The following HMGXB3 variants were observed in gnomAD, a reference collection of about 807,000 sequenced individuals.
HMGXB3 encodes HMG domain-containing protein 3.
HMGXB3 carries 45 observed loss-of-function variants against 121.5 expected under a neutral mutation model. The observed-to-expected ratio is 0.37, with a 90% CI of 0.29 to 0.47. The LOEUF (loss-of-function observed/expected upper bound fraction) is 0.47, where lower values mean the gene tolerates loss of function less well. HMGXB3 is among the 20% of genes least tolerant of loss of function. The probability of loss-of-function intolerance (pLI) is 0.99; values close to 1 mark genes in which losing one functional copy is unlikely to be tolerated. For missense variants in HMGXB3, 1,376 were observed against 1,602.2 expected, an observed-to-expected ratio of 0.86 and a Z score of 2.41; for synonymous variants, 590 against 624.1, an observed-to-expected ratio of 0.95 and a Z score of 0.81.
chr5:150,048,438 C>A, intron 17 of HMGXB3, 131 bp from the exon 18 acceptor site: 1 of 659,464 alleles, frequency 1.5e-6, no homozygotes, highest in Non-Finnish European at 2.6e-6. Flanking sequence ...GCTGATGAGG[C>A]TCCAAGGCCC....
chr5:150,002,906 G>A (rs1755611721), intron 1 of HMGXB3, among the ~76,000 whole-genome samples: 1 of 152,216 alleles, frequency 6.6e-6, no homozygotes, highest in South Asian at 2.1e-4. Context: ...ACTTTGGGAG[G>A]CCAAGGCAGG....
In HMGXB3 at chr5:150,018,571, T is replaced by G. The variant is rs566239273; in HGVS notation, c.915T>G (p.Thr305=). The G allele has an allele frequency of 1.9e-6, 3 of 1,547,914 alleles. No individual in the cohort carries two copies. The South Asian group carries it at 3.6e-5, about 19-fold the overall frequency. ...GATGTGCTCTTTATTTACAGACCAC[T>G]ACATATACCCGCCGGGGCCATGGGA... ...VENPTSIKLT[T]TYTRRGHGTC... Residue 305 remains threonine, a synonymous_variant, in exon 6 of 20, where the codon ACT becomes ACG. Transcript: ENST00000502717.
rs765357124 is a variant in HMGXB3, at chr5:150,027,028, C to G, written c.1645C>G (p.Pro549Ala). The G allele has an allele frequency of 1.3e-6, 2 of 1,551,586 alleles. No homozygotes were observed. The highest frequency in any genetic ancestry group is 1.7e-6 in the Non-Finnish European group (2 of 1,146,920). ...RQAFSLSDKT[P>A]SVRTCGLKPS... is the part of the protein sequence containing the mutation. ...GCTCCTGGTTCTCTCAGATAAGACT[C>G]CCTCTGTGAGGACTTGTGGTCTGAA... The change falls in exon 9 of 20, where the codon CCC (proline) becomes GCC (alanine). Residue 549 changes from proline to alanine, a missense_variant. Physicochemically the swap from Pro to Ala is conservative, Grantham distance 27 (BLOSUM62 -1). Coordinates refer to ENST00000502717, the MANE Select transcript of HMGXB3 (RefSeq NM_014983.3).
In HMGXB3 at chr5:150,041,233, G is replaced by A. The variant is rs147491798; in HGVS notation, c.2545+354G>A. ...TCCCAAGGCTCATGCCAAGACCTAA[G>A]AGTGAGGACCATCCTTTCTGTCTAG... On this transcript the variant is annotated intron_variant, in intron 14 of 19. Transcript: ENST00000502717. Among the ~76,000 whole-genome samples, 127 of 152,348 alleles carry A rather than the reference G, an allele frequency of 8.3e-4. 1 individual carries two copies. In the Middle Eastern group the frequency reaches 0.014, roughly 16 times the overall value.
At chr5:150,049,369 A>T (rs1309611738) in intron 18 of HMGXB3, among the ~76,000 whole-genome samples, 5 of 152,060 alleles carry the variant, frequency 3.3e-5, no homozygotes, top group Non-Finnish European at 7.4e-5. Context: ...CAGGTTATGT[A>T]CTAGATGACA....
rs1399957690 is a variant in HMGXB3 at position 150,018,618 on chromosome 5, C to T, written c.962C>T (p.Ser321Phe). 1 of 1,551,238 alleles carries T rather than the reference C, an allele frequency of 6.4e-7. No individual in the cohort carries two copies. The highest frequency in any genetic ancestry group is 8.7e-7 in the Non-Finnish European group (1 of 1,146,792). ...GGGACATGCACCAGCCCAGGGTGCTCCTTTACATATGTCACCAGGCACAAG... is the reference window on the plus strand; with the variant it reads ...GGGACATGCACCAGCCCAGGGTGCTTCTTTACATATGTCACCAGGCACAAG... Reference protein sequence around the residue: ...GHGTCTSPGCSFTYVTRHKPP... With the variant: ...GHGTCTSPGCFFTYVTRHKPP... The change falls in exon 6 of 20, where the codon TCC becomes TTC. Residue 321 changes from serine to phenylalanine, a missense_variant. By Grantham distance (155) the Ser-to-Phe change is radical. Around this residue, in one of 2 missense-constraint regions of HMGXB3, gnomAD observed 1,116 missense variants for 1,369.0 expected, o/e 0.82. Transcript: ENST00000502717.
intron 3 of HMGXB3, among the ~76,000 whole-genome samples, chr5:150,009,156 T>G (rs1050942933): frequency 3.3e-5 from 5 of 152,216 alleles, no homozygotes; most frequent in African/African-American, 1.2e-4. Flanking sequence ...AATGACTTTT[T>G]CTTGGTGCCA....
chr5:150,015,967 A>G (rs903933333), intron 5 of HMGXB3, among the ~76,000 whole-genome samples: 1 of 152,214 alleles, frequency 6.6e-6, no homozygotes, highest in Non-Finnish European at 1.5e-5. Flanking sequence ...TGTTCTATAC[A>G]TATCTAATTA....
In HMGXB3 at chr5:150,052,100, C is replaced by T; in HGVS notation, c.3787C>T (p.Arg1263Cys). ...QSCQPGEVVI[R>C]DTLYRLGVAQ... The stretch of plus-strand genomic sequence containing the variant: ...CTGCCAGCCTGGTGAGGTGGTCATT[C>T]GTGACACCCTCTACCGCCTTGGGGT... The change falls in exon 20 of 20, where the codon CGT (arginine) becomes TGT (cysteine). Residue 1263 changes from arginine (R) to cysteine (C), a missense_variant. Coordinates refer to ENST00000502717, the MANE Select transcript of HMGXB3 (RefSeq NM_014983.3). 5.2e-6 allele frequency: 8 copies of T among 1,551,756 alleles called. No individual in the cohort carries two copies. The highest frequency in any genetic ancestry group is 2.4e-5 in the East Asian group (1 of 40,922).
chr5:150,048,631 A>G lies in HMGXB3; in HGVS notation c.3147A>G (p.Ile1049Met). ...CTGTACAGAATGGAGCTAGAGCTAT[A>G]CGGCCCCCACGTCACTTCACAGGTG... The part of the protein sequence containing the change: ...YESVQNGARA[I>M]RPPRHFTGGK... Residue 1049 changes from isoleucine to methionine, a missense_variant, in exon 18 of 20, where the codon ATA (isoleucine) becomes ATG (methionine). By Grantham distance (10) the Ile-to-Met change is conservative. Coordinates refer to ENST00000502717, the MANE Select transcript of HMGXB3 (RefSeq NM_014983.3). 6.4e-7 allele frequency: 1 copy of G among 1,551,910 alleles called. No homozygotes were observed. Among genetic ancestry groups the G allele is most frequent in the Non-Finnish European group, 8.7e-7 (1 of 1,147,016 alleles).
rs2009514 is a variant in HMGXB3 at position 150,014,941 on chromosome 5, G to C, written c.909+2588G>C. On this transcript the variant is annotated intron_variant, in intron 5 of 19. Transcript: ENST00000502717. Reference sequence around the variant, plus strand: ...CTTCCTGATGGAGATCATATGAAATGTTCCCATATTCTCTTAAAAATGGGA... The same window carrying C: ...CTTCCTGATGGAGATCATATGAAATCTTCCCATATTCTCTTAAAAATGGGA... 2.7e-3 allele frequency: 2,568 copies of C among 965,322 alleles called. 69 individuals carry two copies. In the African/African-American group the frequency reaches 0.042, roughly 16 times the overall value. 59.8% of individuals were successfully genotyped at this position (965,322 alleles called of 1,614,324 possible). A position where few individuals can be genotyped will look rare whatever the true frequency, so the allele number is the denominator to read the frequency against.
At chr5:150,017,520 G>C (rs1755985216) in intron 5 of HMGXB3, among the ~76,000 whole-genome samples, 1 of 152,226 alleles carries the variant, frequency 6.6e-6, no homozygotes. Context: ...GTCACTCAGT[G>C]TATTAGTGGC....
intron 11 of HMGXB3, 100 bp from the exon 12 acceptor site, chr5:150,036,536 T>C: frequency 9.1e-7 from 1 of 1,092,900 alleles, no homozygotes; most frequent in South Asian, 1.7e-5. Flanking sequence ...CTATCAGTCA[T>C]GGGCCCCATC....
chr5:150,026,813 C>T lies in HMGXB3; in HGVS notation c.1568C>T (p.Ala523Val). ...AGACCCATGAGAGCAATTTTGCCAG[C>T]CCCAGTTAACGTGGGGCGAGGCAGC... Reference protein sequence around the residue: ...AARPMRAILPAPVNVGRGSSM... With the variant: ...AARPMRAILPVPVNVGRGSSM... The change falls in exon 8 of 20, where the codon GCC becomes GTC. Residue 523 changes from alanine to valine, a missense_variant. This residue lies in a region of HMGXB3 where 1,116 missense variants were observed against 1,369.0 expected (regional missense o/e 0.82). Coordinates refer to ENST00000502717, the MANE Select transcript of HMGXB3 (RefSeq NM_014983.3). 6.5e-7 allele frequency: 1 copy of T among 1,545,552 alleles called. No individual in the cohort carries two copies. The highest frequency in any genetic ancestry group is 8.7e-7 in the Non-Finnish European group (1 of 1,144,784).
chr5:150,045,966 C>G (rs182381018), intron 16 of HMGXB3, among the ~76,000 whole-genome samples: 1 of 152,182 alleles, frequency 6.6e-6, no homozygotes, highest in Non-Finnish European at 1.5e-5. Context: ...ATAAAAAATG[C>G]TGATAAGGCT....
At position 150,045,646 on chromosome 5, in the gene HMGXB3, A is replaced by G. The variant is rs756858275; in HGVS notation, c.2911A>G (p.Thr971Ala). The G allele has an allele frequency of 9.7e-6, 15 of 1,551,718 alleles. No individual in the cohort carries two copies. The highest frequency in any genetic ancestry group is 1.3e-5 in the Non-Finnish European group (15 of 1,146,996). Residue 971 changes from threonine (T) to alanine (A), a missense_variant, in exon 16 of 20, where the codon ACT (threonine) becomes GCT (alanine). Coordinates refer to ENST00000502717, the MANE Select transcript of HMGXB3 (RefSeq NM_014983.3). Reference sequence around the variant, plus strand: ...CATGAGAGGAGCTGTGGTCGTCAACACTGAGAAAGACAAAAACCTGGATGT... The same window carrying G: ...CATGAGAGGAGCTGTGGTCGTCAACGCTGAGAAAGACAAAAACCTGGATGT... ...PLMRGAVVVN[T>A]EKDKNLDVQP... is the part of the protein sequence containing the mutation.
At chr5:150,002,116 G>C (rs1755586179) in intron 1 of HMGXB3, among the ~76,000 whole-genome samples, 1 of 152,168 alleles carries the variant, frequency 6.6e-6, no homozygotes, top group Admixed American at 6.5e-5. Flanking sequence ...AATAGGAAGA[G>C]GAATCATTTA....
Position 150,040,757 on chromosome 5 carries a change from A to G in HMGXB3, c.2423A>G (p.Asn808Ser), listed in dbSNP as rs1195824579. Residue 808 changes from asparagine (N) to serine (S), a missense_variant, in exon 14 of 20, where the codon AAT (asparagine) becomes AGT (serine). Asn to Ser is a conservative substitution (Grantham distance 46). Transcript: ENST00000502717. ...SFIDIYTGLF[N>S]VGNKLLVSLD... is the part of the protein sequence containing the mutation. ...TCTTCTTAACCTGCAGGTCTCTTTA[A>G]TGTGGGGAACAAGCTGCTGGTAAGC... 6.4e-7 allele frequency: 1 copy of G among 1,551,346 alleles called. No individual in the cohort carries two copies. The highest frequency in any genetic ancestry group is 8.7e-7 in the Non-Finnish European group (1 of 1,146,864).
chr5:150,006,461 T>C lies in HMGXB3; in HGVS notation c.138-12T>C. On this transcript the variant is annotated splice_polypyrimidine_tract_variant and intron_variant, in intron 2 of 19. Coordinates refer to ENST00000502717, the MANE Select transcript of HMGXB3 (RefSeq NM_014983.3). ...TTACTGGGAAAGCCTGAAGAAGTCA[T>C]TGCTTCCTCAGGTCTGCTTACCTTC... is the stretch of plus-strand genomic sequence containing the variant. 6.5e-7 allele frequency: 1 copy of C among 1,545,558 alleles called. No homozygotes were observed. Among genetic ancestry groups the C allele is most frequent in the Non-Finnish European group, 8.7e-7 (1 of 1,143,320 alleles).
Sources: allele counts gnomAD v4.1 joint callset (sites outside exome capture counted in the v4.1 genomes callset), GRCh38; gene constraint gnomAD v4.1.1; regional missense constraint gnomAD v4.1.1; transcripts MANE v1.5; gene names NCBI Gene and HGNC (gene_info 2026-07-23, HGNC 2026-07-21).